Variants in TRDN observed in about 807,000 individuals in gnomAD.
TRDN encodes triadin.
In TRDN, 161 loss-of-function variants were observed where a neutral mutation model predicts 149.7. The observed-to-expected ratio is 1.08, with a 90% confidence interval of 0.95 to 1.23. TRDN has a LOEUF of 1.23. Ranked by LOEUF, TRDN falls within the 50% of genes most tolerant of loss-of-function variation. TRDN has a pLI of 0.00. For missense variants in TRDN, 896 were observed against 823.5 expected (o/e 1.09, Z -1.08); for synonymous variants, 294 against 250.5 (o/e 1.17, Z -1.64).
At chr6:123,607,999 C>A (rs1335568596) in intron 1 of TRDN, among the ~76,000 whole-genome samples, 1 of 151,890 alleles carries the variant, frequency 6.6e-6, no homozygotes, top group East Asian at 1.9e-4. Context: ...CAGACTTATA[C>A]TTTCAAAATA....
rs1582973475 is a variant in TRDN at position 123,402,006 on chromosome 6, A to G, written c.1052-8329T>C. ...TAAGGTGTAGAGCCACAAAGGGGAA[A>G]GGGAAAGAAAGCTGCAGAGTGAATG... On this transcript the variant is annotated intron_variant, in intron 12 of 40. Transcript: ENST00000334268. 2.6e-5 allele frequency among the ~76,000 whole-genome samples: 4 copies of G among 152,156 alleles called. 1 individual carries two copies. The highest frequency in any genetic ancestry group is 2.6e-4 in the Admixed American group (4 of 15,272).
At chr6:123,542,506 CTAT>C (rs1260156700) in intron 4 of TRDN, among the ~76,000 whole-genome samples, 1 of 152,072 alleles carries the variant, frequency 6.6e-6, no homozygotes, top group African/African-American at 2.4e-5. Flanking sequence ...TGTTAGGAGC[CTAT>C]TATTATCTTC....
chr6:123,355,419 T>A (rs1000102558), intron 20 of TRDN, among the ~76,000 whole-genome samples: 8 of 151,866 alleles, frequency 5.3e-5, no homozygotes, highest in Admixed American at 5.2e-4. Flanking sequence ...TCATTTAAAT[T>A]TAGCAGTACA....
At chr6:123,519,474 T>C (rs1207654846) in intron 5 of TRDN, among the ~76,000 whole-genome samples, 1 of 53,144 alleles carries the variant, frequency 1.9e-5, no homozygotes, top group Non-Finnish European at 5.5e-5. Flanking sequence ...GACCCTGTGG[T>C]TTTTTTTTTT....
In TRDN at chr6:123,271,148, C is replaced by A; in HGVS notation, c.1711G>T (p.Glu571Ter). 1 of 1,532,574 alleles carries A rather than the reference C, an allele frequency of 6.5e-7. No homozygotes were observed. Among genetic ancestry groups the A allele is most frequent in the Non-Finnish European group, 8.8e-7 (1 of 1,139,912 alleles). 94.9% of individuals were successfully genotyped at this position (1,532,574 alleles called of 1,614,324 possible). A position where few individuals can be genotyped will look rare whatever the true frequency, so the allele number is the denominator to read the frequency against. The change falls in exon 30 of 41, where the codon GAA becomes TAA. Residue 571 changes from glutamate to a stop codon, truncating the protein, a stop_gained. Transcript: ENST00000334268. LOFTEE classifies it high-confidence loss of function. ...AAAATACCTTATTTACCTGTTTTTT[C>A]TATTGTGACAGCTTTTACCTGCTTG... ...VLKQVKAVTIEKTAKPKPTKK... is the reference protein window; with the variant it reads ...VLKQVKAVTI
intron 1 of TRDN, among the ~76,000 whole-genome samples, chr6:123,612,449 C>A (rs1784867357): frequency 6.6e-6 from 1 of 151,212 alleles, no homozygotes; most frequent in Admixed American, 6.6e-5. Flanking sequence ...GAACAGCAAT[C>A]CAAAAAAAAA....
chr6:123,492,197 A>G (rs1383929698), intron 9 of TRDN, among the ~76,000 whole-genome samples: 3 of 152,152 alleles, frequency 2.0e-5, no homozygotes, highest in Non-Finnish European at 2.9e-5. Flanking sequence ...AGCAGAATAA[A>G]TTACCGTGAC....
chr6:123,589,492 A>C (rs1255447180), intron 1 of TRDN, among the ~76,000 whole-genome samples: 2 of 152,302 alleles, frequency 1.3e-5, no homozygotes, highest in East Asian at 1.9e-4. Context: ...TTTGGAAAAA[A>C]ATACTAAGCT....
chr6:123,616,708 G>A (rs776573846), intron 1 of TRDN, among the ~76,000 whole-genome samples: 24 of 152,032 alleles, frequency 1.6e-4, no homozygotes, highest in Non-Finnish European at 3.2e-4. Context: ...GTATTTCCAG[G>A]TCAAACTGAT....
At chr6:123,395,271 T>C (rs894965131) in intron 12 of TRDN, among the ~76,000 whole-genome samples, 1 of 152,108 alleles carries the variant, frequency 6.6e-6, no homozygotes, top group Non-Finnish European at 1.5e-5. Flanking sequence ...ACACCTAAGA[T>C]TCTATTAGAG....
chr6:123,326,010 T>C (rs1489437000), intron 23 of TRDN, among the ~76,000 whole-genome samples: 2 of 152,136 alleles, frequency 1.3e-5, no homozygotes, highest in African/African-American at 4.8e-5. Context: ...AAATTACCAA[T>C]TTCTGTAAAA....
chr6:123,462,495 A>G (rs1776508067), intron 10 of TRDN: 1 of 148,578 alleles, frequency 6.7e-6, no homozygotes, highest in Non-Finnish European at 1.5e-5. Context: ...TTTTTTTTAG[A>G]TTTCTACTAA....
chr6:123,557,095 G>A (rs1314117387), intron 2 of TRDN, among the ~76,000 whole-genome samples: 3 of 131,390 alleles, frequency 2.3e-5, no homozygotes, highest in Non-Finnish European at 4.6e-5. Context: ...CCCTTTGACT[G>A]TAATTTTCCT....
chr6:123,313,354 G>A (rs1293261632), intron 24 of TRDN, among the ~76,000 whole-genome samples: 1 of 151,964 alleles, frequency 6.6e-6, no homozygotes, highest in African/African-American at 2.4e-5. Flanking sequence ...CATTTTAAGG[G>A]AAGATGGTAC....
intron 12 of TRDN, among the ~76,000 whole-genome samples, chr6:123,400,842 C>G (rs1301605053): frequency 6.6e-6 from 1 of 152,156 alleles, no homozygotes. Context: ...ACACACACCA[C>G]TTTTATCTCC....
At chr6:123,300,415 A>C (rs1471329488) in intron 24 of TRDN, among the ~76,000 whole-genome samples, 1 of 151,922 alleles carries the variant, frequency 6.6e-6, no homozygotes, top group African/African-American at 2.4e-5. Flanking sequence ...TGCATAAGTA[A>C]TCTTTAGTAA....
At chr6:123,460,468 T>C (rs1776386470) in intron 10 of TRDN, among the ~76,000 whole-genome samples, 1 of 152,144 alleles carries the variant, frequency 6.6e-6, no homozygotes, top group Non-Finnish European at 1.5e-5. Context: ...TTGGTTTATA[T>C]ATTTTATCAT....
chr6:123,490,205 T>C (rs1303500781), intron 9 of TRDN, among the ~76,000 whole-genome samples: 1 of 152,188 alleles, frequency 6.6e-6, no homozygotes. Context: ...TATACTATAG[T>C]AGTTCCCTCT....
At chr6:123,298,874 C>A (rs1778304042) in intron 24 of TRDN, among the ~76,000 whole-genome samples, 1 of 151,924 alleles carries the variant, frequency 6.6e-6, no homozygotes, top group Admixed American at 6.6e-5. Context: ...GGTCATCTAG[C>A]TTTGGGATAT....
Sources: gnomAD v4.1 joint callset for allele counts (sites outside exome capture counted in the v4.1 genomes callset) on GRCh38, gnomAD v4.1.1 for gene constraint, MANE v1.5 for transcripts, NCBI Gene and HGNC (gene_info 2026-07-23, HGNC 2026-07-21) for gene names.